The following KDM4C variants were observed in gnomAD, a reference collection of about 807,000 sequenced individuals.
The protein encoded by KDM4C is lysine demethylase 4C, also known as lysine-specific demethylase 4C.
A neutral mutation model predicts 129.3 loss-of-function variants in KDM4C; 81 were observed. That is an observed-to-expected ratio of 0.63 (90% CI 0.52 to 0.75). The LOEUF (loss-of-function observed/expected upper bound fraction) is 0.75, where lower values mean the gene tolerates loss of function less well. Ranked by LOEUF, KDM4C falls within the 30% of genes least tolerant of loss-of-function variation. KDM4C has a pLI of 0.00. For synonymous variants in KDM4C, 573 were observed against 456.1 expected (o/e 1.26, Z -3.26); for missense variants, 1,457 against 1,304.0 (o/e 1.12, Z -1.81).
chr9:7,107,600 C>G (rs1016194856), intron 18 of KDM4C, among the ~76,000 whole-genome samples: 16 of 152,326 alleles, frequency 1.1e-4, no homozygotes, highest in African/African-American at 3.6e-4. Flanking sequence ...AACATGGCCT[C>G]TTTATACATC....
intron 19 of KDM4C, among the ~76,000 whole-genome samples, chr9:7,156,880 T>C (rs1799848021): frequency 6.6e-6 from 1 of 152,254 alleles, no homozygotes; most frequent in Non-Finnish European, 1.5e-5. Context: ...TTTTTTCCAA[T>C]TCTGTGAAGA....
chr9:6,947,229 T>C (rs10975926), intron 8 of KDM4C, among the ~76,000 whole-genome samples: 10,117 of 152,234 alleles, frequency 0.066, 664 homozygotes, highest in East Asian at 0.33. Context: ...TTTTGTACTC[T>C]AAATAGCTCT....
At chr9:6,868,219 C>T (rs1842347333) in intron 5 of KDM4C, among the ~76,000 whole-genome samples, 1 of 151,786 alleles carries the variant, frequency 6.6e-6, no homozygotes, top group African/African-American at 2.4e-5. Context: ...TCCCTTACGC[C>T]ACTGGTGGCC....
intron 1 of KDM4C, among the ~76,000 whole-genome samples, chr9:6,764,939 A>G (rs1820322246): frequency 6.6e-6 from 1 of 152,160 alleles, no homozygotes; most frequent in Non-Finnish European, 1.5e-5. Flanking sequence ...TCATTTCATT[A>G]TGAGTTATCC....
At chr9:7,057,151 C>T (rs1337959657) in intron 17 of KDM4C, among the ~76,000 whole-genome samples, 1 of 152,172 alleles carries the variant, frequency 6.6e-6, no homozygotes, top group African/African-American at 2.4e-5. Context: ...TTCATTTCCT[C>T]AGAAGGGTGG....
chr9:7,140,629 T>C (rs10976065), intron 19 of KDM4C, among the ~76,000 whole-genome samples: 6,781 of 152,274 alleles, frequency 0.045, 525 homozygotes, highest in African/African-American at 0.15. Context: ...GATTCTCTAG[T>C]CAAGAAATAC....
chr9:6,996,646 G>C (rs1819803621), intron 12 of KDM4C, among the ~76,000 whole-genome samples: 1 of 152,160 alleles, frequency 6.6e-6, no homozygotes, highest in Admixed American at 6.5e-5. Flanking sequence ...CATGGCATTT[G>C]CTGACACAGT....
chr9:7,005,193 T>C (rs772175157), intron 12 of KDM4C, among the ~76,000 whole-genome samples: 1 of 152,064 alleles, frequency 6.6e-6, no homozygotes, highest in Non-Finnish European at 1.5e-5. Flanking sequence ...CCCAGCACTT[T>C]GGGAGGCTGA....
chr9:7,141,620 T>C lies in KDM4C; in HGVS notation c.2781+13384T>C, dbSNP rs552138407. ...GCCAAGTGGAAGGTGACACCTGTCA[T>C]TGAGATAGGGAACTTCGGAAGAAGC... On this transcript the variant is annotated intron_variant, in intron 19 of 21. Coordinates refer to ENST00000381309, the MANE Select transcript of KDM4C (RefSeq NM_015061.6). 3.9e-5 allele frequency among the ~76,000 whole-genome samples: 6 copies of C among 152,208 alleles called. No homozygotes were observed. The East Asian group carries it at 1.2e-3, about 29-fold the overall frequency.
intron 8 of KDM4C, chr9:6,974,678 CAT>C (rs775428025): frequency 2.6e-5 from 4 of 152,088 alleles, no homozygotes; most frequent in Non-Finnish European, 5.9e-5. Flanking sequence ...CATATGTGAT[CAT>C]ATAGACTCAT....
At chr9:7,026,235 T>A (rs1018349359) in intron 15 of KDM4C, among the ~76,000 whole-genome samples, 1 of 151,450 alleles carries the variant, frequency 6.6e-6, no homozygotes, top group Non-Finnish European at 1.5e-5. Flanking sequence ...ACAGAAAAAC[T>A]CCCTTTAGCA....
intron 15 of KDM4C, among the ~76,000 whole-genome samples, chr9:7,026,537 A>T (rs10975989): frequency 6.6e-6 from 1 of 151,136 alleles, no homozygotes; most frequent in Non-Finnish European, 1.5e-5. Context: ...GACCTTTGGG[A>T]GTTTGATTAT....
upstream of KDM4C, among the ~76,000 whole-genome samples, chr9:6,753,073 A>T (rs1284127804): frequency 6.6e-6 from 1 of 152,178 alleles, no homozygotes; most frequent in Non-Finnish European, 1.5e-5. Context: ...AATACTAATC[A>T]GTATCTCAAG....
intron 21 of KDM4C, chr9:7,170,729 T>G: frequency 1.0e-6 from 1 of 981,356 alleles, no homozygotes; most frequent in Non-Finnish European, 1.2e-6. Context: ...ATAATTCAGT[T>G]TAGTGAGTGC....
At chr9:6,757,745 C>T, upstream of KDM4C, 1 of 985,658 alleles carries the variant, frequency 1.0e-6, no homozygotes, top group South Asian at 4.7e-5. Context: ...GTTCTGTGCA[C>T]CTGTTTTCTC....
At position 7,128,104 on chromosome 9, in the gene KDM4C, A is replaced by C. The variant is rs754430225; in HGVS notation, c.2649A>C (p.Gln883His). ...GCGAGAAGGTCATTTCCGTGGGTCA[A>C]ACGGTCATCACGAAGCATCGGAACA... ...KACEKVISVG[Q>H]TVITKHRNTR... is the part of the protein sequence containing the mutation. Residue 883 changes from glutamine to histidine, a missense_variant, in exon 19 of 22, where the codon CAA becomes CAC. Coordinates refer to ENST00000381309, the MANE Select transcript of KDM4C (RefSeq NM_015061.6). 9 of 1,608,318 alleles carry C rather than the reference A, an allele frequency of 5.6e-6. No homozygotes were observed. The highest frequency in any genetic ancestry group is 7.6e-6 in the Non-Finnish European group (9 of 1,177,714).
chr9:6,878,270 A>G (rs1427620490), intron 5 of KDM4C, among the ~76,000 whole-genome samples: 2 of 152,228 alleles, frequency 1.3e-5, no homozygotes, highest in African/African-American at 2.4e-5. Flanking sequence ...CTATAGCAAT[A>G]GTTGGTTAAC....
At chr9:6,728,066 C>CAAAAA (rs574486528) in intron 1 of KDM4C, among the ~76,000 whole-genome samples, 1 of 73,928 alleles carries the variant, frequency 1.4e-5, no homozygotes, top group Non-Finnish European at 2.5e-5. Flanking sequence ...CATGAAGCTG[C>CAAAAA]AAAAAAAAAA....
intron 1 of KDM4C, among the ~76,000 whole-genome samples, chr9:6,763,293 T>A (rs370918403): frequency 2.6e-5 from 4 of 152,142 alleles, no homozygotes; most frequent in African/African-American, 9.7e-5. Context: ...ACTCTGCCCA[T>A]GCTGTTGTTC....
Sources: gnomAD v4.1 joint callset for allele counts (sites outside exome capture counted in the v4.1 genomes callset) on GRCh38, gnomAD v4.1.1 for gene constraint, MANE v1.5 for transcripts, NCBI Gene and HGNC (gene_info 2026-07-23, HGNC 2026-07-21) for gene names.